ARHGEF10: variants seen among roughly 807,000 people sequenced by gnomAD.
ARHGEF10 encodes Rho guanine nucleotide exchange factor (GEF) 10.
ARHGEF10 carries 140 observed loss-of-function variants against 147.4 expected under a neutral mutation model. The ratio of observed to expected loss-of-function variants is 0.95; its 90% CI spans 0.83 to 1.09. The LOEUF is 1.09. Ranked by LOEUF, ARHGEF10 falls within the 50% of genes least tolerant of loss-of-function variation. The pLI, the probability that ARHGEF10 is intolerant of heterozygous loss-of-function variation, is 0.00. For synonymous variants in ARHGEF10, 902 were observed against 695.8 expected (o/e 1.30, Z -4.67); for missense variants, 2,222 against 1,752.7 (o/e 1.27, Z -4.78).
chr8:1,950,978 C>T (rs1277064921), intron 27 of ARHGEF10, among the ~76,000 whole-genome samples: 2 of 152,146 alleles, frequency 1.3e-5, no homozygotes, highest in Non-Finnish European at 2.9e-5. Flanking sequence ...TTGCCCGGCA[C>T]GCAGGTGGGG....
intron 6 of ARHGEF10, among the ~76,000 whole-genome samples, chr8:1,868,067 C>G (rs569435786): frequency 6.6e-6 from 1 of 152,286 alleles, no homozygotes; most frequent in East Asian, 1.9e-4. Context: ...ATTGGAATAA[C>G]TATATTTGGA....
chr8:1,909,926 C>G (rs1034020483), intron 18 of ARHGEF10, among the ~76,000 whole-genome samples: 1 of 152,146 alleles, frequency 6.6e-6, no homozygotes, highest in African/African-American at 2.4e-5. Context: ...CTCAGTTTCC[C>G]CATGGAGGCA....
chr8:1,882,282 G>A (rs531955664), intron 9 of ARHGEF10, among the ~76,000 whole-genome samples: 19 of 152,324 alleles, frequency 1.2e-4, no homozygotes, highest in African/African-American at 1.9e-4. Context: ...AGCTGTGAGC[G>A]TCTGCAGTTA....
At chr8:1,872,087 G>A (rs1431174304) in intron 7 of ARHGEF10, among the ~76,000 whole-genome samples, 1 of 151,000 alleles carries the variant, frequency 6.6e-6, no homozygotes, top group Non-Finnish European at 1.5e-5. Context: ...AGGAAAGGAA[G>A]GAAGGAAAAA....
chr8:1,858,211 G>GGTGGGTCCCCAT lies in ARHGEF10; in HGVS notation c.193+99_193+100insGGTCCCCATGTG, dbSNP rs1414895156. ...ATGTGAGTCACCAGGTGAGTTCCCA[G>GGTGGGTCCCCAT]GTGAGTCCCCAGGTGAGTCCCCAGG... On this transcript the variant is annotated intron_variant, in intron 3 of 28. Coordinates refer to ENST00000349830, the MANE Select transcript of ARHGEF10 (RefSeq NM_014629.4). 3,942 of 1,096,112 alleles carry GGTGGGTCCCCAT rather than the reference G, an allele frequency of 3.6e-3. 33 individuals carry two copies. Among genetic ancestry groups the GGTGGGTCCCCAT allele is most frequent in the South Asian group, 9.2e-3 (553 of 60,224 alleles). The allele number at this position is 1,096,112 out of a possible 1,614,324, so 67.9% of individuals were successfully genotyped here.
At chr8:1,826,670 G>A (rs150162538) in intron 1 of ARHGEF10, among the ~76,000 whole-genome samples, 75 of 152,306 alleles carry the variant, frequency 4.9e-4, no homozygotes, top group African/African-American at 1.8e-3. Flanking sequence ...CGCTAATGAC[G>A]GTTGTATTCT....
At position 1,853,759 on chromosome 8, in the gene ARHGEF10, C is replaced by T. The variant is rs1034430904; in HGVS notation, c.38-4201C>T. On this transcript the variant is annotated intron_variant, in intron 2 of 28. Transcript: ENST00000349830. Reference sequence around the variant, plus strand: ...GTGCTGGCAGGCTGTGTGTGCTCCCCGGGAATGTAGGTCACAGCCTTCCTT... The same window carrying T: ...GTGCTGGCAGGCTGTGTGTGCTCCCTGGGAATGTAGGTCACAGCCTTCCTT... Among the ~76,000 whole-genome samples, 20 of 152,224 alleles carry T rather than the reference C, an allele frequency of 1.3e-4. 1 individual carries two copies. Among genetic ancestry groups the T allele is most frequent in the African/African-American group, 9.6e-5 (4 of 41,466 alleles).
At chr8:1,891,192 T>A (rs1170666122) in intron 11 of ARHGEF10, among the ~76,000 whole-genome samples, 1 of 152,220 alleles carries the variant, frequency 6.6e-6, no homozygotes. Flanking sequence ...GTATTTAGGA[T>A]TTCTGCATTC....
intron 10 of ARHGEF10, among the ~76,000 whole-genome samples, chr8:1,884,685 A>C (rs1355428682): frequency 6.6e-6 from 1 of 152,190 alleles, no homozygotes; most frequent in African/African-American, 2.4e-5. Flanking sequence ...ATCATCTAAA[A>C]GTGCCTGTGC....
intron 15 of ARHGEF10, among the ~76,000 whole-genome samples, chr8:1,900,370 T>C (rs1478469436): frequency 6.6e-6 from 1 of 152,140 alleles, no homozygotes; most frequent in Non-Finnish European, 1.5e-5. Flanking sequence ...GTCCCTTTTT[T>C]ATGCGCTAGG....
chr8:1,835,461 C>T (rs908372286), intron 1 of ARHGEF10, among the ~76,000 whole-genome samples: 5 of 152,202 alleles, frequency 3.3e-5, no homozygotes, highest in Non-Finnish European at 5.9e-5. Flanking sequence ...TCAGCCCTGC[C>T]GCCCCTGCAG....
Position 1,945,600 on chromosome 8 carries a change from T to C in ARHGEF10, c.3342T>C (p.Thr1114=), listed in dbSNP as rs1445140605. ...GSTLRLFHTE[T]LKHLQDINIA... is the part of the protein sequence containing the mutation. ...CGCTCCGCCTTTTTCACACGGAAAC[T>C]CTCAAGCACCTGCAGGACATCAACA... The change falls in exon 27 of 29, where the codon ACT becomes ACC. Residue 1114 remains threonine, a synonymous_variant. Coordinates refer to ENST00000349830, the MANE Select transcript of ARHGEF10 (RefSeq NM_014629.4). 6.2e-7 allele frequency: 1 copy of C among 1,614,174 alleles called. No individual in the cohort carries two copies. The highest frequency in any genetic ancestry group is 8.5e-7 in the Non-Finnish European group (1 of 1,180,018).
chr8:1,851,162 C>T (rs1040418660), intron 2 of ARHGEF10, among the ~76,000 whole-genome samples: 4 of 151,472 alleles, frequency 2.6e-5, no homozygotes, highest in Admixed American at 6.6e-5. Context: ...CGAGGCCTCA[C>T]GCACACCGTG....
chr8:1,859,707 C>G (rs1375458240), intron 3 of ARHGEF10, among the ~76,000 whole-genome samples, 190 bp from the exon 4 acceptor site: 1 of 152,178 alleles, frequency 6.6e-6, no homozygotes, highest in Non-Finnish European at 1.5e-5. Flanking sequence ...CACCTGTGCC[C>G]AGAGGTGATG....
At chr8:1,955,653 C>CA (rs1221367236) in intron 28 of ARHGEF10, among the ~76,000 whole-genome samples, 1 of 152,168 alleles carries the variant, frequency 6.6e-6, no homozygotes, top group African/African-American at 2.4e-5. Flanking sequence ...GGTGCACTCT[C>CA]ACTGTTTCTC....
chr8:1,864,284 T>C, intron 4 of ARHGEF10, 89 bp from the exon 5 acceptor site: 2 of 1,321,864 alleles, frequency 1.5e-6, no homozygotes, highest in African/African-American at 2.9e-5. Context: ...GATAGGAAAG[T>C]GTGAAACCAT....
intron 25 of ARHGEF10, among the ~76,000 whole-genome samples, chr8:1,930,211 C>T (rs1024067899): frequency 3.3e-5 from 5 of 152,112 alleles, no homozygotes; most frequent in East Asian, 1.9e-4. Context: ...GAGTGGAACA[C>T]GCAGGGCTTC....
At chr8:1,872,446 C>T (rs952150120) in intron 7 of ARHGEF10, among the ~76,000 whole-genome samples, 9 of 152,202 alleles carry the variant, frequency 5.9e-5, no homozygotes, top group African/African-American at 1.9e-4. Context: ...AACTCCCTCA[C>T]CTGCGAAGGT....
intron 18 of ARHGEF10, among the ~76,000 whole-genome samples, chr8:1,919,996 GTGATGGAGCTGTTCTGTGGA>G (rs1563286235): frequency 2.1e-5 from 3 of 141,828 alleles, no homozygotes; most frequent in South Asian, 2.3e-4. Flanking sequence ...TGTTCTGTCA[GTGATGGAGCTGTTCTGTGGA>G]TGATGGAGCT....
Sources: allele counts gnomAD v4.1 joint callset (sites outside exome capture counted in the v4.1 genomes callset), GRCh38; gene constraint gnomAD v4.1.1; transcripts MANE v1.5; gene names NCBI Gene and HGNC (gene_info 2026-07-23, HGNC 2026-07-21).